REEP6: variants seen among roughly 807,000 people sequenced by gnomAD.
REEP6 encodes receptor accessory protein 6.
REEP6 carries 19 observed loss-of-function variants against 22.4 expected under a neutral mutation model. That is an observed-to-expected ratio of 0.85 (90% CI 0.59 to 1.25). The LOEUF is 1.25. Ranked by LOEUF, REEP6 falls within the 50% of genes most tolerant of loss-of-function variation. REEP6 has a pLI of 0.00. For synonymous variants in REEP6, 121 were observed against 113.6 expected, an observed-to-expected ratio of 1.06 and a Z score of -0.41; for missense variants, 273 against 251.9, an observed-to-expected ratio of 1.08 and a Z score of -0.57.
Position 1,496,414 on chromosome 19 carries a change from G to T in REEP6, c.478G>T (p.Gly160Trp). The change falls in exon 4 of 5, where the codon GGG becomes TGG. Residue 160 changes from glycine (G) to tryptophan (W), a missense_variant. Transcript: ENST00000233596. ...AGACAGAATCATGAACGACCTCAGC[G>T]GGCGAGCCCTGGACGCGGCGGCCGG... ...AVDRIMNDLSGRALDAAAGIT... is the reference protein window; with the variant it reads ...AVDRIMNDLSWRALDAAAGIT... The T allele has an allele frequency of 6.2e-7, 1 of 1,613,042 alleles. No individual in the cohort carries two copies. The highest frequency in any genetic ancestry group is 8.5e-7 in the Non-Finnish European group (1 of 1,179,824).
Position 1,491,416 on chromosome 19 carries a change from C to T in REEP6, c.115+32C>T, listed in dbSNP as rs1476851707. ...CGTCGGCGCTAGCCCGTTTCGCCGA[C>T]GGGCACACCGAGGCCATGGGCCTGG... is the stretch of plus-strand genomic sequence containing the variant. On this transcript the variant is annotated intron_variant, in intron 1 of 4. Transcript: ENST00000233596. The surrounding 1 kb of genome is among the most constrained non-coding windows in gnomAD (Gnocchi z 5.4). 3 of 1,357,914 alleles carry T rather than the reference C, an allele frequency of 2.2e-6. No homozygotes were observed. The East Asian group carries it at 9.3e-5, about 42-fold the overall frequency. 84.1% of individuals were successfully genotyped at this position (1,357,914 alleles called of 1,614,324 possible).
chr19:1,497,122 G>A lies in REEP6; in HGVS notation c.518-52G>A. 7 of 1,305,736 alleles carry A rather than the reference G, an allele frequency of 5.4e-6. No individual in the cohort carries two copies. The highest frequency in any genetic ancestry group is 2.8e-5 in the Admixed American group (1 of 35,340). 80.9% of individuals were successfully genotyped at this position (1,305,736 alleles called of 1,614,324 possible). On this transcript the variant is annotated intron_variant, in intron 4 of 4. Coordinates refer to ENST00000233596, the MANE Select transcript of REEP6 (RefSeq NM_138393.4). This position sits in a 1 kb window ranked among gnomAD's most constrained non-coding sequence, Gnocchi z 6.5. ...TCAGTCCCGCCTGCGAGCAGCTCCG[G>A]GGAGCCCAGGCCTGCCTCACGGCCC...
rs2084954332 is a variant in REEP6 at position 1,491,969 on chromosome 19, C to T, written c.115+585C>T. Among the ~76,000 whole-genome samples, 2 of 152,236 alleles carry T rather than the reference C, an allele frequency of 1.3e-5. No individual in the cohort carries two copies. The highest frequency in any genetic ancestry group is 4.1e-4 in the South Asian group (2 of 4,836). On this transcript the variant is annotated intron_variant, in intron 1 of 4. Transcript: ENST00000233596. This position sits in a 1 kb window ranked among gnomAD's most constrained non-coding sequence, Gnocchi z 5.4. ...TGTGGGGAGGCTGGACTGGGGCCCACAGAGCCGGAGATCCAGGCACCCCGA... is the reference window on the plus strand; with the variant it reads ...TGTGGGGAGGCTGGACTGGGGCCCATAGAGCCGGAGATCCAGGCACCCCGA...
chr19:1,497,144 G>GGGCCCCC lies in REEP6; in HGVS notation c.518-30_518-29insGGCCCCC. The GGGCCCCC allele has an allele frequency of 7.5e-7, 1 of 1,328,122 alleles. No homozygotes were observed. Among genetic ancestry groups the GGGCCCCC allele is most frequent in the Non-Finnish European group, 1.0e-6 (1 of 992,332 alleles). 82.3% of individuals were successfully genotyped at this position (1,328,122 alleles called of 1,614,324 possible). A position where few individuals can be genotyped will look rare whatever the true frequency, so the allele number is the denominator to read the frequency against. On this transcript the variant is annotated intron_variant, in intron 4 of 4. Coordinates refer to ENST00000233596, the MANE Select transcript of REEP6 (RefSeq NM_138393.4). This position sits in a 1 kb window ranked among gnomAD's most constrained non-coding sequence, Gnocchi z 6.5. ...CCGGGGAGCCCAGGCCTGCCTCACGGCCCTCCCCCACCCGCCCCTCTCTCT... is the reference window on the plus strand; with the variant it reads ...CCGGGGAGCCCAGGCCTGCCTCACGGGGCCCCCCCCTCCCCCACCCGCCCCTCTCTCT...
intron 4 of REEP6, 122 bp downstream of exon 4, chr19:1,496,575 C>G: frequency 1.6e-6 from 2 of 1,223,266 alleles, no homozygotes; most frequent in Non-Finnish European, 2.4e-6. Context: ...CTCTCTCTCA[C>G]GCTTCCGGGA....
In REEP6 at chr19:1,491,587, T is replaced by A. The variant is rs1482527308; in HGVS notation, c.115+203T>A. ...GCTCCCGGGCCACCCCTCTCTAGCT[T>A]CCGCCCCTGGCCGCCCCCCGACGCC... On this transcript the variant is annotated intron_variant, in intron 1 of 4. Transcript: ENST00000233596. This position sits in a 1 kb window ranked among gnomAD's most constrained non-coding sequence, Gnocchi z 5.4. Among the ~76,000 whole-genome samples the A allele has an allele frequency of 2.0e-5, 3 of 152,064 alleles. No homozygotes were observed. The highest frequency in any genetic ancestry group is 4.4e-5 in the Non-Finnish European group (3 of 67,982).
chr19:1,495,964 T>C (rs778032562), intron 3 of REEP6: 12 of 529,800 alleles, frequency 2.3e-5, no homozygotes, highest in Non-Finnish European at 2.7e-5. Context: ...GGGTGTCTGA[T>C]GGTGGAGACC....
Position 1,497,876 on chromosome 19 carries a change from C to T in REEP6, c.*665C>T, listed in dbSNP as rs561326872. 3.1e-4 allele frequency: 142 copies of T among 465,140 alleles called. 2 individuals carry two copies. The highest frequency in any genetic ancestry group is 2.0e-3 in the South Asian group (126 of 64,328). The allele number at this position is 465,140 out of a possible 1,614,324, so 28.8% of individuals were successfully genotyped here. ...CCCCGTGCCTGCAGCACTACTGGTG[C>T]CTGAAACACCTGGCCTGCTAGGAGG... On this transcript the variant is annotated 3_prime_UTR_variant, in exon 5 of 5. Transcript: ENST00000233596. The surrounding 1 kb of genome is among the most constrained non-coding windows in gnomAD (Gnocchi z 6.5).
At position 1,491,500 on chromosome 19, in the gene REEP6, C is replaced by T; in HGVS notation, c.115+116C>T. 3.0e-6 allele frequency: 2 copies of T among 662,646 alleles called. No individual in the cohort carries two copies. The highest frequency in any genetic ancestry group is 4.5e-6 in the Non-Finnish European group (2 of 446,332). 41.0% of individuals were successfully genotyped at this position (662,646 alleles called of 1,614,324 possible). On this transcript the variant is annotated intron_variant, in intron 1 of 4. Transcript: ENST00000233596. The surrounding 1 kb of genome is among the most constrained non-coding windows in gnomAD (Gnocchi z 5.4). ...GGTCCGGTCCGGCCGGTGGAGCGCG[C>T]GAGGTGACTGGGACCTCGAGGTCCG...
In REEP6 at chr19:1,496,362, G is replaced by C; in HGVS notation, c.426G>C (p.Pro142=). 6.2e-7 allele frequency: 1 copy of C among 1,613,034 alleles called. No individual in the cohort carries two copies. The highest frequency in any genetic ancestry group is 8.5e-7 in the Non-Finnish European group (1 of 1,179,904). The change falls in exon 4 of 5, where the codon CCG becomes CCC. Residue 142 remains proline (P), a synonymous_variant. Coordinates refer to ENST00000233596, the MANE Select transcript of REEP6 (RefSeq NM_138393.4). ...ALMLYQRVVR[P]LFLRHHGAVD... The stretch of plus-strand genomic sequence containing the variant: ...TGCTGTATCAGCGCGTCGTGCGTCC[G>C]CTGTTCCTAAGGCACCACGGGGCCG...
In REEP6 at chr19:1,495,526, G is replaced by A. The variant is rs761786834; in HGVS notation, c.267G>A (p.Trp89Ter). The part of the protein sequence containing the change: ...KDDDTVWLTY[W>*]VVYALFGLAE... ...ACGACACTGTGTGGCTCACCTACTG[G>A]GTGGTGTACGCCCTGTTTGGGCTGG... The change falls in exon 3 of 5, where the codon TGG becomes TGA. Residue 89 changes from tryptophan (W) to a stop codon, truncating the protein, a stop_gained. Transcript: ENST00000233596. LOFTEE classifies it high-confidence loss of function. 1.2e-6 allele frequency: 2 copies of A among 1,614,094 alleles called. No homozygotes were observed. Among genetic ancestry groups the A allele is most frequent in the East Asian group, 2.2e-5 (1 of 44,886 alleles).
At position 1,491,685 on chromosome 19, in the gene REEP6, G is replaced by A. The variant is rs1408976149; in HGVS notation, c.115+301G>A. On this transcript the variant is annotated intron_variant, in intron 1 of 4. Transcript: ENST00000233596. This position sits in a 1 kb window ranked among gnomAD's most constrained non-coding sequence, Gnocchi z 5.4. ...GTTGCCCAGTGGCCCCAGAGGGGTC[G>A]GGATGCCAGTGTCCTGCGCGTTTCG... 1.3e-5 allele frequency among the ~76,000 whole-genome samples: 2 copies of A among 152,210 alleles called. No homozygotes were observed. The highest frequency in any genetic ancestry group is 2.9e-5 in the Non-Finnish European group (2 of 68,028).
At chr19:1,496,658 C>G (rs2145479414) in intron 4 of REEP6, 1 of 745,070 alleles carries the variant, frequency 1.3e-6, no homozygotes, top group East Asian at 2.7e-5. Flanking sequence ...CCTCCACTCC[C>G]CTGGAAGCTG....
intron 1 of REEP6, among the ~76,000 whole-genome samples, chr19:1,492,813 C>G (rs1324796032): frequency 6.6e-6 from 1 of 152,328 alleles, no homozygotes; most frequent in East Asian, 1.9e-4. Context: ...TGCCCACACC[C>G]TGGAGGTCCC....
rs76079175 is a variant in REEP6, at chr19:1,495,527, G to C, written c.268G>C (p.Val90Leu). 7.2e-4 allele frequency: 1,167 copies of C among 1,614,120 alleles called. 7 individuals are homozygous for C. The East Asian group carries it at 0.019, about 26-fold the overall frequency. ...CGACACTGTGTGGCTCACCTACTGG[G>C]TGGTGTACGCCCTGTTTGGGCTGGC... ...DDDTVWLTYW[V>L]VYALFGLAEF... The change falls in exon 3 of 5, where the codon GTG becomes CTG. Residue 90 changes from valine (V) to leucine (L), a missense_variant. By Grantham distance (32) the Val-to-Leu change is conservative (BLOSUM62 1). Transcript: ENST00000233596.
In REEP6 at chr19:1,491,320, G is replaced by T. The variant is rs1162602785; in HGVS notation, c.51G>T (p.Leu17=). 3 of 1,480,054 alleles carry T rather than the reference G, an allele frequency of 2.0e-6. No homozygotes were observed. Among genetic ancestry groups the T allele is most frequent in the Admixed American group, 2.6e-5 (1 of 39,010 alleles). 91.7% of individuals were successfully genotyped at this position (1,480,054 alleles called of 1,614,324 possible). A position where few individuals can be genotyped will look rare whatever the true frequency, so the allele number is the denominator to read the frequency against. Residue 17 remains leucine, a synonymous_variant, in exon 1 of 5, where the codon CTG becomes CTT. Coordinates refer to ENST00000233596, the MANE Select transcript of REEP6 (RefSeq NM_138393.4). This position sits in a 1 kb window ranked among gnomAD's most constrained non-coding sequence, Gnocchi z 5.4. The part of the protein sequence containing the change: ...RVEHFLEQRN[L]VTEVLGALEA... The stretch of plus-strand genomic sequence containing the variant: ...AGCACTTCCTGGAGCAAAGGAACCT[G>T]GTCACCGAAGTGCTGGGGGCGCTGG...
Position 1,497,546 on chromosome 19 carries a change from C to T in REEP6, c.*335C>T, listed in dbSNP as rs1568236455. The T allele has an allele frequency of 1.7e-6, 1 of 603,180 alleles. No individual in the cohort carries two copies. The allele number at this position is 603,180 out of a possible 1,614,324, so 37.4% of individuals were successfully genotyped here. On this transcript the variant is annotated 3_prime_UTR_variant, in exon 5 of 5. Transcript: ENST00000233596. The surrounding 1 kb of genome is among the most constrained non-coding windows in gnomAD (Gnocchi z 6.5). ...CCCAGCCGCCTGGTACTTCCTCCAG[C>T]CCCTCCCAGTCAGCCCTCCCGTCCT... is the stretch of plus-strand genomic sequence containing the variant.
intron 1 of REEP6, among the ~76,000 whole-genome samples, chr19:1,493,234 C>T (rs141648937): frequency 7.9e-5 from 12 of 152,262 alleles, no homozygotes; most frequent in South Asian, 4.1e-4. Flanking sequence ...TTCCTCCCCA[C>T]GAGCCAGGCC....
chr19:1,496,197 G>A, intron 3 of REEP6, 88 bp from the exon 4 acceptor site: 1 of 1,456,902 alleles, frequency 6.9e-7, no homozygotes, highest in Middle Eastern at 2.3e-4. Context: ...TGTCCAGGAT[G>A]GGCATCTGGT....
Sources: gnomAD v4.1 joint callset for allele counts (sites outside exome capture counted in the v4.1 genomes callset) on GRCh38, gnomAD v4.1.1 for gene constraint, Gnocchi (gnomAD v3.1) non-coding constraint, MANE v1.5 for transcripts, NCBI Gene and HGNC (gene_info 2026-07-23, HGNC 2026-07-21) for gene names.